The following RGS6 variants were observed in gnomAD, a reference collection of about 807,000 sequenced individuals.
RGS6 encodes regulator of G protein signaling 6.
A neutral mutation model predicts 78.5 loss-of-function variants in RGS6; 30 were observed. That is an observed-to-expected ratio of 0.38 (90% confidence interval 0.29 to 0.52). The LOEUF (loss-of-function observed/expected upper bound fraction) is 0.52. Among genes scored for constraint, RGS6 ranks in the 20% least tolerant of loss-of-function variants. RGS6 has a pLI of 0.85. For missense variants in RGS6, 495 were observed against 609.7 expected (o/e 0.81, Z 1.98); for synonymous variants, 206 against 206.0 (o/e 1.00, Z 0.00).
At chr14:72,066,676 T>A (rs1208328237) in intron 2 of RGS6, among the ~76,000 whole-genome samples, 1 of 151,844 alleles carries the variant, frequency 6.6e-6, no homozygotes, top group Admixed American at 6.6e-5. Context: ...CCCAAGGGAG[T>A]AGTGACTTGG....
intron 17 of RGS6, among the ~76,000 whole-genome samples, chr14:72,554,636 G>A (rs1296851389): frequency 6.6e-6 from 1 of 152,174 alleles, no homozygotes; most frequent in African/African-American, 2.4e-5. Flanking sequence ...GCCACCGAGA[G>A]GCCTTACAGG....
At chr14:72,464,956 A>G (rs2095864550) in intron 6 of RGS6, among the ~76,000 whole-genome samples, 1 of 152,236 alleles carries the variant, frequency 6.6e-6, no homozygotes, top group African/African-American at 2.4e-5. Flanking sequence ...TAGTAAATAC[A>G]GGATTTCAGT....
chr14:72,553,827 A>G (rs1011993820), intron 17 of RGS6, among the ~76,000 whole-genome samples: 8 of 152,210 alleles, frequency 5.3e-5, no homozygotes, highest in African/African-American at 1.7e-4. Context: ...CCTGCAGGAA[A>G]CGTAGCAATC....
chr14:72,275,873 C>A (rs1044103926), intron 2 of RGS6, among the ~76,000 whole-genome samples: 2 of 152,268 alleles, frequency 1.3e-5, no homozygotes, highest in East Asian at 3.9e-4. Flanking sequence ...TTGGAGGGTA[C>A]CTCACAGGAG....
At chr14:72,489,740 T>TGAGACGAGGCGAGGC (rs2096552557) in intron 12 of RGS6, among the ~76,000 whole-genome samples, 1 of 114,506 alleles carries the variant, frequency 8.7e-6, no homozygotes, top group African/African-American at 3.4e-5. Flanking sequence ...CAAGGCGAGG[T>TGAGACGAGGCGAGGC]GAGACGAGGC....
At chr14:72,453,470 G>A (rs1410628000) in intron 3 of RGS6, among the ~76,000 whole-genome samples, 1 of 149,070 alleles carries the variant, frequency 6.7e-6, no homozygotes, top group African/African-American at 2.5e-5. Flanking sequence ...AAAAAAATTA[G>A]CCGGGCGTAG....
At chr14:72,320,934 C>G (rs2071792994) in intron 2 of RGS6, among the ~76,000 whole-genome samples, 1 of 148,892 alleles carries the variant, frequency 6.7e-6, no homozygotes. Context: ...AATATATTTA[C>G]TAAATATACT....
intron 3 of RGS6, among the ~76,000 whole-genome samples, chr14:72,430,380 A>G (rs1260519095): frequency 6.6e-6 from 1 of 152,176 alleles, no homozygotes; most frequent in African/African-American, 2.4e-5. Flanking sequence ...TCACATTCAC[A>G]AAAGCCCAAG....
intron 2 of RGS6, among the ~76,000 whole-genome samples, chr14:72,246,885 G>T (rs945919305): frequency 3.2e-4 from 47 of 145,314 alleles, no homozygotes; most frequent in Non-Finnish European, 1.4e-4. Flanking sequence ...CAGCCTAGGT[G>T]ACAGAGCAAG....
chr14:72,465,651 T>TGGAC (rs2095889068), intron 6 of RGS6, 107 bp from the exon 7 acceptor site: 1 of 747,528 alleles, frequency 1.3e-6, no homozygotes, highest in Admixed American at 2.0e-5. Context: ...GATGGATGGA[T>TGGAC]GGATGGATGG....
At chr14:71,939,316 T>C (rs927769499) in intron 1 of RGS6, among the ~76,000 whole-genome samples, 1 of 152,226 alleles carries the variant, frequency 6.6e-6, no homozygotes, top group East Asian at 1.9e-4. Context: ...CCCTGAATTT[T>C]AGTTGGATTT....
the RGS6 span, among the ~76,000 whole-genome samples, chr14:71,876,532 A>G: frequency 2.6e-5 from 2 of 77,846 alleles, no homozygotes; most frequent in Non-Finnish European, 4.6e-5. Context: ...TGCTTGGTAG[A>G]TCTTCCTCCA....
chr14:72,584,547 G>C, the RGS6 span, among the ~76,000 whole-genome samples: 71 of 152,296 alleles, frequency 4.7e-4, no homozygotes, highest in Non-Finnish European at 8.8e-4. Context: ...ACCATGCAGG[G>C]GTTGGGAGAA....
chr14:72,297,433 T>A (rs869255334), intron 2 of RGS6, among the ~76,000 whole-genome samples: 182 of 146,972 alleles, frequency 1.2e-3, no homozygotes, highest in African/African-American at 4.1e-3. Context: ...ATTATTATTT[T>A]TTTTTTATAC....
chr14:71,950,368 A>G (rs922176869), intron 1 of RGS6, among the ~76,000 whole-genome samples: 1 of 152,216 alleles, frequency 6.6e-6, no homozygotes, highest in Non-Finnish European at 1.5e-5. Context: ...ATGGCTAGCT[A>G]TATGCAGCAA....
chr14:71,929,266 C>A (rs1194718080), upstream of RGS6, among the ~76,000 whole-genome samples: 3 of 152,196 alleles, frequency 2.0e-5, no homozygotes, highest in Non-Finnish European at 2.9e-5. Context: ...TCACATGCTG[C>A]ATTTAGTTGT....
chr14:72,575,209 T>C, the RGS6 span, among the ~76,000 whole-genome samples: 1 of 152,064 alleles, frequency 6.6e-6, no homozygotes, highest in Non-Finnish European at 1.5e-5. Flanking sequence ...TTGTGAAGTA[T>C]CTGGGGTGTG....
At chr14:72,204,149 A>G (rs992385596) in intron 2 of RGS6, among the ~76,000 whole-genome samples, 2 of 152,118 alleles carry the variant, frequency 1.3e-5, no homozygotes, top group Admixed American at 6.6e-5. Flanking sequence ...TAGGTGTGCA[A>G]TTAGGTGGCA....
chr14:71,969,093 C>T (rs1312062816), intron 2 of RGS6, among the ~76,000 whole-genome samples: 1 of 152,166 alleles, frequency 6.6e-6, no homozygotes, highest in African/African-American at 2.4e-5. Context: ...TTTGTTCTTG[C>T]AATAGTTTGC....
Sources: gnomAD v4.1 joint callset for allele counts (sites outside exome capture counted in the v4.1 genomes callset) on GRCh38, gnomAD v4.1.1 for gene constraint, MANE v1.5 for transcripts, NCBI Gene and HGNC (gene_info 2026-07-23, HGNC 2026-07-21) for gene names.